The following CASP5 variants were observed in gnomAD, a reference collection of about 807,000 sequenced individuals.
CASP5 encodes caspase 5.
A neutral mutation model predicts 45.2 loss-of-function variants in CASP5; 42 were observed. The ratio of observed to expected loss-of-function variants is 0.93; its 90% CI spans 0.73 to 1.20. The LOEUF is 1.20. CASP5 is among the 50% of genes most tolerant of loss of function. The pLI, the probability that CASP5 is intolerant of heterozygous loss-of-function variation, is 0.00. For synonymous variants in CASP5, 209 were observed against 186.2 expected, an observed-to-expected ratio of 1.12 and a Z score of -1.00; for missense variants, 512 against 532.2, an observed-to-expected ratio of 0.96 and a Z score of 0.37.
intron 1 of CASP5, among the ~76,000 whole-genome samples, chr11:105,019,137 C>G (rs1397695673): frequency 2.6e-5 from 4 of 150,990 alleles, no homozygotes; most frequent in Admixed American, 6.7e-5. Flanking sequence ...ACCAGAATCT[C>G]TGGGATGCAT....
At chr11:105,014,984 AGAG>A (rs1212002548) in intron 1 of CASP5, among the ~76,000 whole-genome samples, 2 of 152,214 alleles carry the variant, frequency 1.3e-5, no homozygotes, top group Non-Finnish European at 2.9e-5. Flanking sequence ...CCCCTAACAG[AGAG>A]CAGTGTGGGA....
chr11:105,001,910 A>ACACACACG, intron 5 of CASP5, 118 bp downstream of exon 5: 2 of 884,006 alleles, frequency 2.3e-6, no homozygotes, highest in South Asian at 1.7e-5. Flanking sequence ...ACACACACAC[A>ACACACACG]CACACGCACA....
At chr11:105,017,904 G>A (rs968524043) in intron 1 of CASP5, among the ~76,000 whole-genome samples, 6 of 152,142 alleles carry the variant, frequency 3.9e-5, no homozygotes, top group African/African-American at 1.4e-4. Context: ...GGCAGCCAGA[G>A]AGAAAGGTCA....
At chr11:105,009,828 CAT>C (rs112147889) in intron 1 of CASP5, among the ~76,000 whole-genome samples, 36,775 of 103,676 alleles carry the variant, frequency 0.35, 6,695 homozygotes, top group African/African-American at 0.47. Context: ...TATATATACA[CAT>C]ATATATATAC....
At chr11:105,007,422 T>C in intron 2 of CASP5, 88 bp from the exon 3 acceptor site, 2 of 1,253,464 alleles carry the variant, frequency 1.6e-6, no homozygotes, top group Non-Finnish European at 2.2e-6. Context: ...AATATGAAAC[T>C]CCTCTAAAAA....
chr11:105,002,809 ATTTG>A (rs901164278), intron 4 of CASP5, among the ~76,000 whole-genome samples: 5 of 152,198 alleles, frequency 3.3e-5, no homozygotes, highest in Non-Finnish European at 5.9e-5. Flanking sequence ...GAGCACTGGT[ATTTG>A]TTTGAAGCCA....
At chr11:105,005,020 T>C (rs45581634) in intron 3 of CASP5, among the ~76,000 whole-genome samples, 8,825 of 152,122 alleles carry the variant, frequency 0.058, 255 homozygotes, top group African/African-American at 0.067. Flanking sequence ...TTATATCCAG[T>C]AGTAGAATTA....
intron 1 of CASP5, 91 bp from the exon 2 acceptor site, chr11:105,009,071 C>T (rs542870593): frequency 1.9e-6 from 2 of 1,066,342 alleles, no homozygotes; most frequent in South Asian, 2.8e-5. Flanking sequence ...GTGAAACACC[C>T]TTGAAAATAC....
In CASP5 at chr11:105,001,457, G is replaced by C. The variant is rs564664792; in HGVS notation, c.717+571C>G. 1.3e-3 allele frequency among the ~76,000 whole-genome samples: 199 copies of C among 152,258 alleles called. 1 individual carries two copies. The highest frequency in any genetic ancestry group is 2.4e-3 in the Non-Finnish European group (166 of 68,022). ...CAAGGCGGGCAGATCACGAGGTCAG[G>C]AGATCGAGACCATCCTGGCTAACAA... On this transcript the variant is annotated intron_variant, in intron 5 of 9. Transcript: ENST00000260315.
chr11:105,015,286 C>G (rs1862532648), intron 1 of CASP5, among the ~76,000 whole-genome samples: 1 of 152,190 alleles, frequency 6.6e-6, no homozygotes, highest in Non-Finnish European at 1.5e-5. Context: ...ACAAACTTAA[C>G]TGACTGGTTT....
In CASP5 at chr11:105,007,158, G is replaced by A. The variant is rs745571593; in HGVS notation, c.358C>T (p.Arg120Ter). The change falls in exon 3 of 10, where the codon CGA becomes TGA. Residue 120 changes from arginine (R) to a stop codon, truncating the protein, a stop_gained. Transcript: ENST00000260315. LOFTEE classifies it high-confidence loss of function. ...DKALILVDSL[R>*]KNRVAHQMFT... ...ATTTGATGAGCCACGCGATTCTTTC[G>A]CAAAGAGTCTACCAAGATCAGGGCC... 27 of 1,613,476 alleles carry A rather than the reference G, an allele frequency of 1.7e-5. No individual in the cohort carries two copies. The highest frequency in any genetic ancestry group is 1.6e-4 in the Middle Eastern group (1 of 6,082).
chr11:105,012,647 A>C (rs1343977753), intron 1 of CASP5, among the ~76,000 whole-genome samples: 1 of 151,878 alleles, frequency 6.6e-6, no homozygotes, highest in African/African-American at 2.4e-5. Flanking sequence ...TAAATGGACA[A>C]CAGGTCTATA....
intron 5 of CASP5, among the ~76,000 whole-genome samples, chr11:105,000,795 C>T (rs767329587): frequency 2.0e-5 from 3 of 152,064 alleles, no homozygotes; most frequent in African/African-American, 7.2e-5. Context: ...TCTTTTCTCT[C>T]CTTTCCTAAC....
intron 1 of CASP5, among the ~76,000 whole-genome samples, chr11:105,021,541 C>CA (rs1408364798): frequency 6.7e-6 from 1 of 150,330 alleles, no homozygotes; most frequent in African/African-American, 2.4e-5. Flanking sequence ...TTTATGCAGC[C>CA]AAAAAACACA....
intron 1 of CASP5, among the ~76,000 whole-genome samples, chr11:105,010,060 A>G (rs986105258): frequency 6.6e-6 from 1 of 150,612 alleles, no homozygotes; most frequent in Non-Finnish European, 1.5e-5. Context: ...AAAGATCATT[A>G]TCTAGTTTAT....
chr11:104,994,939 G>C (rs777161609), intron 9 of CASP5, among the ~76,000 whole-genome samples: 3 of 152,216 alleles, frequency 2.0e-5, no homozygotes, highest in Non-Finnish European at 4.4e-5. Flanking sequence ...TCAGTAATGA[G>C]ACAGCCAAGT....
intron 1 of CASP5, among the ~76,000 whole-genome samples, chr11:105,016,125 A>C (rs1862575957): frequency 6.6e-6 from 1 of 152,188 alleles, no homozygotes; most frequent in Non-Finnish European, 1.5e-5. Context: ...AGAGTTAACT[A>C]ACTGACCACC....
At chr11:105,019,365 G>A (rs1436503834) in intron 1 of CASP5, among the ~76,000 whole-genome samples, 1 of 150,188 alleles carries the variant, frequency 6.7e-6, no homozygotes, top group Non-Finnish European at 1.5e-5. Flanking sequence ...ATGAATCCAG[G>A]AGCTGGTTTT....
intron 1 of CASP5, among the ~76,000 whole-genome samples, chr11:105,021,722 C>T (rs1354297852): frequency 2.7e-5 from 4 of 148,406 alleles, no homozygotes; most frequent in African/African-American, 7.3e-5. Context: ...GGACTGTAAA[C>T]TAGTTCAACC....
Sources: allele counts gnomAD v4.1 joint callset (sites outside exome capture counted in the v4.1 genomes callset), GRCh38; gene constraint gnomAD v4.1.1; transcripts MANE v1.5; gene names NCBI Gene and HGNC (gene_info 2026-07-23, HGNC 2026-07-21).